Variants in FGF12 observed in about 807,000 individuals in gnomAD.
The protein encoded by FGF12 is fibroblast growth factor 12B.
Under a neutral mutation model 23.6 loss-of-function variants are expected in FGF12, and 14 were observed. The observed-to-expected ratio is 0.59, with a 90% CI of 0.39 to 0.93. The LOEUF is 0.93. FGF12 is among the 40% of genes least tolerant of loss of function. The pLI is 0.00. For missense variants in FGF12, 175 were observed against 217.8 expected, an observed-to-expected ratio of 0.80 and a Z score of 1.24; for synonymous variants, 62 against 77.3, an observed-to-expected ratio of 0.80 and a Z score of 1.04.
At chr3:192,147,046 C>T (rs1280342371) in intron 5 of FGF12, among the ~76,000 whole-genome samples, 1 of 152,320 alleles carries the variant, frequency 6.6e-6, no homozygotes, top group East Asian at 1.9e-4. Context: ...CTGATGAAAA[C>T]TGCCCCCCTC....
chr3:192,512,219 T>A (rs1724498385), intron 2 of FGF12, among the ~76,000 whole-genome samples: 1 of 152,158 alleles, frequency 6.6e-6, no homozygotes, highest in Non-Finnish European at 1.5e-5. Flanking sequence ...GAGTGGTTCA[T>A]CTGAGCTGTT....
chr3:192,489,321 C>G (rs1723730908), intron 2 of FGF12, among the ~76,000 whole-genome samples: 1 of 151,800 alleles, frequency 6.6e-6, no homozygotes, highest in African/African-American at 2.4e-5. Context: ...TTTTAATTCT[C>G]TATGTGAATA....
At chr3:192,192,903 A>G (rs1716868343) in intron 4 of FGF12, among the ~76,000 whole-genome samples, 1 of 152,202 alleles carries the variant, frequency 6.6e-6, no homozygotes, top group South Asian at 2.1e-4. Flanking sequence ...TGCATCATGA[A>G]CTGTCAATAA....
At chr3:192,325,841 C>T (rs566885309) in intron 4 of FGF12, among the ~76,000 whole-genome samples, 2 of 152,134 alleles carry the variant, frequency 1.3e-5, no homozygotes, top group Non-Finnish European at 2.9e-5. Context: ...CTTAAAACTA[C>T]AGCACCATAT....
At chr3:192,471,468 TGAG>T (rs1029099354) in intron 2 of FGF12, among the ~76,000 whole-genome samples, 3 of 152,186 alleles carry the variant, frequency 2.0e-5, no homozygotes, top group African/African-American at 7.2e-5. Context: ...AATAATGTAA[TGAG>T]AAGAAATAAA....
At chr3:192,489,428 C>T (rs1217601516) in intron 2 of FGF12, among the ~76,000 whole-genome samples, 2 of 151,976 alleles carry the variant, frequency 1.3e-5, no homozygotes, top group Non-Finnish European at 2.9e-5. Context: ...CTATCTAAAT[C>T]CATTTCTTTT....
In FGF12 at chr3:192,587,909, C is replaced by T. The variant is rs186380166; in HGVS notation, c.13+139272G>A. On this transcript the variant is annotated intron_variant, in intron 2 of 5. Coordinates refer to ENST00000445105, the MANE Select transcript of FGF12 (RefSeq NM_004113.6). ...AACTTTGGGCACCACCTTCTTAAAACATGGGTGAAAAAGACAAATAATACT... is the reference window on the plus strand; with the variant it reads ...AACTTTGGGCACCACCTTCTTAAAATATGGGTGAAAAAGACAAATAATACT... 8.6e-5 allele frequency among the ~76,000 whole-genome samples: 13 copies of T among 151,978 alleles called. No homozygotes were observed. The East Asian group carries it at 1.7e-3, about 20-fold the overall frequency.
rs184813196 is a variant in FGF12, at chr3:192,471,573, C to G, written c.14-111035G>C. On this transcript the variant is annotated intron_variant, in intron 2 of 5. Transcript: ENST00000445105. The stretch of plus-strand genomic sequence containing the variant: ...CTGATTTAAATGCTAGGCACAAAAG[C>G]TCTTCAAGTGGTCACAGAATTGAAG... 1.7e-3 allele frequency among the ~76,000 whole-genome samples: 265 copies of G among 152,298 alleles called. 2 individuals carry two copies. Among genetic ancestry groups the G allele is most frequent in the African/African-American group, 6.2e-3 (257 of 41,558 alleles).
intron 2 of FGF12, among the ~76,000 whole-genome samples, chr3:192,669,816 A>G (rs1717043332): frequency 6.6e-6 from 1 of 152,140 alleles, no homozygotes; most frequent in Admixed American, 6.5e-5. Flanking sequence ...CTGTGTCAAC[A>G]TACGAAAGAG....
intron 4 of FGF12, among the ~76,000 whole-genome samples, chr3:192,175,212 A>G (rs140916115): frequency 4.9e-4 from 75 of 152,326 alleles, no homozygotes; most frequent in African/African-American, 1.6e-3. Flanking sequence ...GTCAAAGGTG[A>G]TAAAATCCCA....
chr3:192,152,413 C>A (rs1405135354), intron 5 of FGF12, among the ~76,000 whole-genome samples: 7 of 117,454 alleles, frequency 6.0e-5, no homozygotes, highest in Non-Finnish European at 3.6e-5. Flanking sequence ...GTTAGGGTGT[C>A]AATTTTGGAT....
At chr3:192,685,083 G>A (rs970196489) in intron 2 of FGF12, among the ~76,000 whole-genome samples, 6 of 151,798 alleles carry the variant, frequency 4.0e-5, no homozygotes, top group African/African-American at 4.8e-5. Flanking sequence ...ACAGAGTCTC[G>A]TTCTGTCACC....
chr3:192,561,892 T>A (rs1712053547), intron 2 of FGF12, among the ~76,000 whole-genome samples: 1 of 140,644 alleles, frequency 7.1e-6, no homozygotes, highest in Non-Finnish European at 1.6e-5. Flanking sequence ...CATGGCAAAA[T>A]AATAATAATA....
At chr3:192,240,421 T>C (rs1719549280) in intron 4 of FGF12, among the ~76,000 whole-genome samples, 1 of 152,210 alleles carries the variant, frequency 6.6e-6, no homozygotes, top group Non-Finnish European at 1.5e-5. Flanking sequence ...TTATTATTTT[T>C]TTGCTCTGAA....
chr3:192,626,328 G>A (rs918606004), intron 2 of FGF12, among the ~76,000 whole-genome samples: 2 of 151,926 alleles, frequency 1.3e-5, no homozygotes, highest in African/African-American at 2.4e-5. Context: ...ATTTTTCAAC[G>A]CTTTTTTTTC....
chr3:192,335,940 C>G (rs1717385532), intron 3 of FGF12, among the ~76,000 whole-genome samples: 1 of 152,032 alleles, frequency 6.6e-6, no homozygotes, highest in Non-Finnish European at 1.5e-5. Context: ...ATATTGAACA[C>G]AGAAGAAGAA....
At chr3:192,443,959 G>A (rs1722277863) in intron 2 of FGF12, among the ~76,000 whole-genome samples, 1 of 152,172 alleles carries the variant, frequency 6.6e-6, no homozygotes, top group Non-Finnish European at 1.5e-5. Context: ...CCAATGTCAG[G>A]CACTGGGCTT....
chr3:192,216,124 A>G (rs1718179431), intron 4 of FGF12, among the ~76,000 whole-genome samples: 1 of 152,212 alleles, frequency 6.6e-6, no homozygotes, highest in African/African-American at 2.4e-5. Context: ...TTTCCAGACC[A>G]TTGTTACAAA....
chr3:192,152,525 G>C (rs1254345139), intron 5 of FGF12, among the ~76,000 whole-genome samples: 2 of 150,716 alleles, frequency 1.3e-5, no homozygotes, highest in African/African-American at 4.9e-5. Flanking sequence ...CTTTGTTCTT[G>C]TTGGTTTCAA....
Sources: gnomAD v4.1 joint callset for allele counts (sites outside exome capture counted in the v4.1 genomes callset) on GRCh38, gnomAD v4.1.1 for gene constraint, MANE v1.5 for transcripts, NCBI Gene and HGNC (gene_info 2026-07-23, HGNC 2026-07-21) for gene names.